ASIC2: variants seen among roughly 807,000 people sequenced by gnomAD.
The protein encoded by ASIC2 is acid-sensing ion channel 2.
In ASIC2, 25 loss-of-function variants were observed where a neutral mutation model predicts 57.3. That is an observed-to-expected ratio of 0.44 (90% CI 0.32 to 0.61). The LOEUF (loss-of-function observed/expected upper bound fraction) is 0.61. ASIC2 is among the 20% of genes least tolerant of loss of function. ASIC2 has a pLI of 0.06. For missense variants in ASIC2, 641 were observed against 738.1 expected (o/e 0.87, Z 1.52); for synonymous variants, 319 against 307.5 (o/e 1.04, Z -0.39).
chr17:34,100,555 G>A (rs908154406), intron 1 of ASIC2, among the ~76,000 whole-genome samples: 2 of 151,686 alleles, frequency 1.3e-5, no homozygotes, highest in Non-Finnish European at 2.9e-5. Flanking sequence ...AAGAGCGTCC[G>A]GCCCTCCAGG....
intron 1 of ASIC2, among the ~76,000 whole-genome samples, chr17:33,913,796 C>T (rs1184269448): frequency 6.6e-6 from 1 of 152,172 alleles, no homozygotes. Context: ...CCATCACTGT[C>T]ATGTTGTAAT....
At chr17:33,818,954 C>T (rs1912668641) in intron 1 of ASIC2, among the ~76,000 whole-genome samples, 1 of 152,214 alleles carries the variant, frequency 6.6e-6, no homozygotes, top group Admixed American at 6.5e-5. Flanking sequence ...GATGAGCAGT[C>T]TCAGGCTGCT....
intron 1 of ASIC2, among the ~76,000 whole-genome samples, chr17:33,179,874 C>T (rs1258724086): frequency 6.6e-6 from 1 of 152,222 alleles, no homozygotes; most frequent in East Asian, 1.9e-4. Flanking sequence ...TCTTCCCTTC[C>T]ATTTGGTGGT....
At chr17:33,795,924 G>A (rs977921110) in intron 1 of ASIC2, among the ~76,000 whole-genome samples, 1 of 152,244 alleles carries the variant, frequency 6.6e-6, no homozygotes, top group Non-Finnish European at 1.5e-5. Context: ...AGAGGTCTGA[G>A]TTGAGCACAT....
intron 1 of ASIC2, among the ~76,000 whole-genome samples, chr17:34,095,649 ATATATAATTTTATATATATATAGAG>A (rs1232593031): frequency 9.9e-6 from 1 of 100,972 alleles, no homozygotes; most frequent in African/African-American, 4.6e-5. Flanking sequence ...ATATATATAT[ATATATAATTTTATATATATATAGAG>A]AGAGAGATAT....
intron 1 of ASIC2, among the ~76,000 whole-genome samples, chr17:34,084,716 A>C (rs1018178396): frequency 6.6e-6 from 1 of 151,944 alleles, no homozygotes; most frequent in East Asian, 1.9e-4. Flanking sequence ...CTTTTATTTC[A>C]TTGAGCAGTG....
chr17:33,594,644 C>T (rs1367580511), intron 1 of ASIC2, among the ~76,000 whole-genome samples: 19 of 151,430 alleles, frequency 1.3e-4, no homozygotes, highest in African/African-American at 3.7e-4. Flanking sequence ...CTGGCTAACA[C>T]GGTGAAACCC....
At chr17:33,144,727 T>C (rs567044205) in intron 1 of ASIC2, among the ~76,000 whole-genome samples, 1 of 152,086 alleles carries the variant, frequency 6.6e-6, no homozygotes, top group African/African-American at 2.4e-5. Flanking sequence ...GGAGAAGGTG[T>C]GGTGTGCACT....
intron 1 of ASIC2, among the ~76,000 whole-genome samples, chr17:33,693,986 C>T (rs1211737814): frequency 6.6e-6 from 1 of 152,194 alleles, no homozygotes; most frequent in East Asian, 1.9e-4. Context: ...GTATTTTCTT[C>T]CTATGGACTG....
At position 34,145,583 on chromosome 17, in the gene ASIC2, C is replaced by T. The variant is rs1598046801; in HGVS notation, c.555+10395G>A. ...ACTCCTTCTAGTCTGCCGATATCCA[C>T]TTATCTAAACTTTTACCCACACATT... On this transcript the variant is annotated intron_variant, in intron 1 of 9. Coordinates refer to the ASIC2 transcript ENST00000359872. Among the ~76,000 whole-genome samples the T allele has an allele frequency of 2.6e-5, 4 of 152,336 alleles. No individual in the cohort carries two copies. In the South Asian group the frequency reaches 6.2e-4, roughly 24 times the overall value.
chr17:33,282,162 C>G (rs1904977208), intron 1 of ASIC2, among the ~76,000 whole-genome samples: 1 of 152,210 alleles, frequency 6.6e-6, no homozygotes, highest in African/African-American at 2.4e-5. Context: ...AATGAGGCCT[C>G]TATTAATTTC....
intron 1 of ASIC2, among the ~76,000 whole-genome samples, chr17:33,700,112 T>G (rs931716529): frequency 5.3e-5 from 8 of 151,988 alleles, no homozygotes; most frequent in African/African-American, 1.9e-4. Context: ...AGAATATGAG[T>G]CCTTAAGCTC....
chr17:34,001,365 G>A (rs911856110), intron 1 of ASIC2: 12 of 152,760 alleles, frequency 7.9e-5, no homozygotes, highest in African/African-American at 2.9e-4. Flanking sequence ...TGGAGTTTGG[G>A]TCTGTGTGGA....
intron 1 of ASIC2, among the ~76,000 whole-genome samples, chr17:33,739,784 CAAAA>C (rs1910038343): frequency 1.7e-5 from 1 of 60,536 alleles, no homozygotes; most frequent in African/African-American, 6.7e-5. Flanking sequence ...AGAAAAGAAA[CAAAA>C]GAAAGAAGAA....
intron 1 of ASIC2, among the ~76,000 whole-genome samples, chr17:33,402,148 G>A (rs1006934711): frequency 3.9e-5 from 6 of 152,160 alleles, no homozygotes; most frequent in Non-Finnish European, 8.8e-5. Flanking sequence ...GTAGGCTGGA[G>A]CTGAGGGGTT....
chr17:33,549,671 G>C (rs1451397757), intron 1 of ASIC2, among the ~76,000 whole-genome samples: 1 of 152,156 alleles, frequency 6.6e-6, no homozygotes, highest in Non-Finnish European at 1.5e-5. Context: ...CATTATGAAA[G>C]TACTTTCCTG....
At chr17:33,589,357 G>A (rs1285333415) in intron 1 of ASIC2, among the ~76,000 whole-genome samples, 1 of 152,120 alleles carries the variant, frequency 6.6e-6, no homozygotes, top group African/African-American at 2.4e-5. Flanking sequence ...TTTTACTGTG[G>A]TAAAATAAAC....
chr17:33,306,304 A>G (rs187088809), intron 1 of ASIC2, among the ~76,000 whole-genome samples: 110 of 152,258 alleles, frequency 7.2e-4, no homozygotes, highest in African/African-American at 2.6e-3. Flanking sequence ...TGTCCTGTCT[A>G]TTAGCTTCCT....
At chr17:33,057,185 G>A (rs2092001572) in intron 3 of ASIC2, among the ~76,000 whole-genome samples, 1 of 152,226 alleles carries the variant, frequency 6.6e-6, no homozygotes, top group Non-Finnish European at 1.5e-5. Context: ...CACCTTGAGA[G>A]AGTCCCATGC....
Sources: allele counts gnomAD v4.1 joint callset (sites outside exome capture counted in the v4.1 genomes callset), GRCh38; gene constraint gnomAD v4.1.1; transcripts MANE v1.5; gene names NCBI Gene and HGNC (gene_info 2026-07-23, HGNC 2026-07-21).